Variants in KCNC2 observed in about 807,000 individuals in gnomAD.
KCNC2 encodes the protein voltage-gated potassium channel KCNC2.
A neutral mutation model predicts 44.5 loss-of-function variants in KCNC2; 21 were observed. That is an observed-to-expected ratio of 0.47 (90% CI 0.33 to 0.68). KCNC2 has a LOEUF of 0.68. Ranked by LOEUF, KCNC2 falls within the 30% of genes least tolerant of loss-of-function variation. The pLI is 0.01. For synonymous variants in KCNC2, 391 were observed against 339.1 expected, an observed-to-expected ratio of 1.15 and a Z score of -1.68; for missense variants, 589 against 826.2, an observed-to-expected ratio of 0.71 and a Z score of 3.52.
intron 2 of KCNC2, among the ~76,000 whole-genome samples, chr12:75,156,003 T>C (rs1890732013): frequency 2.0e-5 from 3 of 151,164 alleles, no homozygotes; most frequent in Non-Finnish European, 4.4e-5. Context: ...GGAAGTGGAG[T>C]TGGGCTTCAT....
At position 75,050,748 on chromosome 12, in the gene KCNC2, T is replaced by C. The variant is rs763346764; in HGVS notation, c.1257A>G (p.Thr419=). 3 of 1,613,420 alleles carry C rather than the reference T, an allele frequency of 1.9e-6. No individual in the cohort carries two copies. Among genetic ancestry groups the C allele is most frequent in the South Asian group, 2.2e-5 (2 of 91,060 alleles). Residue 419 remains threonine, a synonymous_variant, in exon 3 of 5, where the codon ACA becomes ACG. Coordinates refer to ENST00000549446, the MANE Select transcript of KCNC2 (RefSeq NM_139137.4). ...ACCCAATGGGAATGTTTTTGAACTG[T>C]GTGTGCTCACTAGCTGAAGGGTCGT... ...QPNDPSASEH[T]QFKNIPIGFW... is the part of the protein sequence containing the mutation.
chr12:75,202,024 C>T (rs893316040), intron 2 of KCNC2, among the ~76,000 whole-genome samples: 5 of 151,832 alleles, frequency 3.3e-5, no homozygotes, highest in African/African-American at 1.2e-4. Flanking sequence ...CTTTATTTGT[C>T]ATAGTAAAAA....
At position 75,095,576 on chromosome 12, in the gene KCNC2, T is replaced by C. The variant is rs561401036; in HGVS notation, c.688-44259A>G. Among the ~76,000 whole-genome samples, 12 of 151,904 alleles carry C rather than the reference T, an allele frequency of 7.9e-5. 1 individual carries two copies. In the South Asian group the frequency reaches 2.5e-3, roughly 32 times the overall value. On this transcript the variant is annotated intron_variant, in intron 2 of 4. Coordinates refer to ENST00000549446, the MANE Select transcript of KCNC2 (RefSeq NM_139137.4). ...AATGATTTGGGTATACATGTTATTT[T>C]ACTACAGAAAATAAAAACAGAAAAG... is the stretch of plus-strand genomic sequence containing the variant.
chr12:75,178,669 AC>A (rs1242767430), intron 2 of KCNC2, among the ~76,000 whole-genome samples: 2 of 151,954 alleles, frequency 1.3e-5, no homozygotes, highest in East Asian at 1.9e-4. Flanking sequence ...ACAAAAGTAC[AC>A]CCCCAATTTT....
At chr12:75,163,399 A>C (rs1269710783) in intron 2 of KCNC2, among the ~76,000 whole-genome samples, 1 of 151,702 alleles carries the variant, frequency 6.6e-6, no homozygotes, top group Non-Finnish European at 1.5e-5. Context: ...TTATTATTTA[A>C]ATGGGATTCC....
chr12:75,109,127 G>A (rs907607320), intron 2 of KCNC2, among the ~76,000 whole-genome samples: 2 of 152,122 alleles, frequency 1.3e-5, no homozygotes, highest in Non-Finnish European at 2.9e-5. Flanking sequence ...TATATATCTA[G>A]AGGGATTCAT....
chr12:75,113,585 C>T (rs1887418263), intron 2 of KCNC2, among the ~76,000 whole-genome samples: 1 of 152,124 alleles, frequency 6.6e-6, no homozygotes. Flanking sequence ...TTCTGCAATC[C>T]AGCCTCCATA....
chr12:75,124,999 G>A (rs1367256375), intron 2 of KCNC2: 1 of 152,116 alleles, frequency 6.6e-6, no homozygotes, highest in African/African-American at 2.4e-5. Context: ...CTAGCTATGC[G>A]GGAGGCTGAA....
intron 2 of KCNC2, among the ~76,000 whole-genome samples, chr12:75,128,886 T>C (rs1163209630): frequency 6.6e-6 from 1 of 152,224 alleles, no homozygotes; most frequent in Non-Finnish European, 1.5e-5. Flanking sequence ...TCAGATGCAA[T>C]GGCTTCATGC....
In KCNC2 at chr12:75,086,673, AAAAAAAAAATATATAT is replaced by A. The variant is rs60855298; in HGVS notation, c.688-35372_688-35357del. On this transcript the variant is annotated intron_variant, in intron 2 of 4. Coordinates refer to ENST00000549446, the MANE Select transcript of KCNC2 (RefSeq NM_139137.4). ...AAGTTCATTTGGCAAAAAAAAAAAA[AAAAAAAAAATATATAT>A]ATATATATATACACACACATATTTA... Among the ~76,000 whole-genome samples, 166 of 62,034 alleles carry A rather than the reference AAAAAAAAAATATATAT, an allele frequency of 2.7e-3. 1 individual carries two copies. Among genetic ancestry groups the A allele is most frequent in the African/African-American group, 0.015 (157 of 10,826 alleles). 40.7% of individuals were successfully genotyped at this position (62,034 alleles called of 152,430 possible).
At chr12:75,205,409 A>G (rs550877814) in intron 2 of KCNC2, among the ~76,000 whole-genome samples, 10 of 152,242 alleles carry the variant, frequency 6.6e-5, no homozygotes, top group African/African-American at 2.2e-4. Context: ...TCTCACCAAA[A>G]CAGATGCAGA....
chr12:75,179,286 A>T (rs953223255), intron 2 of KCNC2, among the ~76,000 whole-genome samples: 2 of 151,898 alleles, frequency 1.3e-5, no homozygotes, highest in African/African-American at 4.8e-5. Context: ...CTGAAAATCA[A>T]TTGCACCTTG....
At chr12:75,146,989 T>C (rs2137438869) in intron 2 of KCNC2, among the ~76,000 whole-genome samples, 1 of 152,226 alleles carries the variant, frequency 6.6e-6, no homozygotes, top group African/African-American at 2.4e-5. Flanking sequence ...AAAACCTTAA[T>C]ATTTACACAT....
intron 2 of KCNC2, among the ~76,000 whole-genome samples, chr12:75,189,954 C>T (rs1005234508): frequency 7.2e-5 from 11 of 152,136 alleles, no homozygotes; most frequent in African/African-American, 2.7e-4. Context: ...ACAAAAATCA[C>T]TTGATAAATA....
intron 2 of KCNC2, among the ~76,000 whole-genome samples, chr12:75,086,093 C>T (rs1884971476): frequency 1.3e-5 from 2 of 151,984 alleles, no homozygotes; most frequent in African/African-American, 4.8e-5. Context: ...ATGCTCTATT[C>T]ATATTCTAGG....
intron 2 of KCNC2, among the ~76,000 whole-genome samples, chr12:75,069,245 C>T (rs959469230): frequency 3.5e-5 from 5 of 143,808 alleles, no homozygotes; most frequent in Non-Finnish European, 7.5e-5. Context: ...AGCGATTCTC[C>T]TGCCTCAGCT....
At chr12:75,061,407 T>C (rs1882309496) in intron 2 of KCNC2, among the ~76,000 whole-genome samples, 1 of 151,974 alleles carries the variant, frequency 6.6e-6, no homozygotes, top group African/African-American at 2.4e-5. Context: ...AGATTAGCAG[T>C]CAATTTATGC....
intron 2 of KCNC2, among the ~76,000 whole-genome samples, chr12:75,158,152 A>C (rs1373323372): frequency 1.3e-5 from 2 of 151,934 alleles, no homozygotes; most frequent in African/African-American, 4.8e-5. Context: ...TCACTCTTTT[A>C]GTTTATTAAT....
At chr12:75,053,835 G>T (rs1881450802) in intron 2 of KCNC2, among the ~76,000 whole-genome samples, 2 of 148,052 alleles carry the variant, frequency 1.4e-5, no homozygotes, top group Admixed American at 1.4e-4. Context: ...ACTCTAAGAG[G>T]AAAATAAAAT....
Sources: allele counts gnomAD v4.1 joint callset (sites outside exome capture counted in the v4.1 genomes callset), GRCh38; gene constraint gnomAD v4.1.1; transcripts MANE v1.5; gene names NCBI Gene and HGNC (gene_info 2026-07-23, HGNC 2026-07-21).